Variants in TUT1 observed in about 807,000 individuals in gnomAD.
The protein encoded by TUT1 is speckle targeted PIP5K1A-regulated poly(A) polymerase.
A neutral mutation model predicts 48.8 loss-of-function variants in TUT1; 26 were observed. The ratio of observed to expected loss-of-function variants is 0.53; its 90% CI spans 0.39 to 0.74. The LOEUF (loss-of-function observed/expected upper bound fraction) is 0.74, where lower values mean the gene tolerates loss of function less well. Ranked by LOEUF, TUT1 falls within the 30% of genes least tolerant of loss-of-function variation. TUT1 has a pLI of 0.00. For missense variants in TUT1, 1,065 were observed against 1,114.8 expected (o/e 0.96, Z 0.64); for synonymous variants, 470 against 460.8 (o/e 1.02, Z -0.26).
At chr11:62,577,158 A>C (rs1166962295) in intron 6 of TUT1, 24 bp downstream of exon 6, 1 of 1,603,320 alleles carries the variant, frequency 6.2e-7, no homozygotes, top group Admixed American at 1.7e-5. Context: ...ACTCAGCCCC[A>C]AGTCTGTCCT....
chr11:62,575,944 A>G lies in TUT1; in HGVS notation c.1775T>C (p.Leu592Pro). The change falls in exon 9 of 9, where the codon CTC becomes CCC. Residue 592 changes from leucine (L) to proline (P), a missense_variant. Transcript: ENST00000476907. ...GGGGGAGCTGGGCTGCAGAAGAGGGAGCAGCCCCCAGTCCCGACCCCGGGA... is the reference window on the plus strand; with the variant it reads ...GGGGGAGCTGGGCTGCAGAAGAGGGGGCAGCCCCCAGTCCCGACCCCGGGA... ...RSSRGRDWGLLPLLQPSSPSS... is the reference protein window; with the variant it reads ...RSSRGRDWGLPPLLQPSSPSS... The G allele has an allele frequency of 6.2e-7, 1 of 1,614,084 alleles. No homozygotes were observed. Among genetic ancestry groups the G allele is most frequent in the East Asian group, 2.2e-5 (1 of 44,878 alleles).
chr11:62,585,898 C>T (rs1056653599), intron 2 of TUT1, among the ~76,000 whole-genome samples: 1 of 152,152 alleles, frequency 6.6e-6, no homozygotes, highest in Non-Finnish European at 1.5e-5. Flanking sequence ...CACCTGAGGT[C>T]GGGAATTCCA....
intron 8 of TUT1, 32 bp downstream of exon 8, chr11:62,576,625 T>TA: frequency 6.4e-7 from 1 of 1,573,042 alleles, no homozygotes; most frequent in Non-Finnish European, 8.7e-7. Flanking sequence ...TGAACATCAT[T>TA]ACTAGTCCTC....
At chr11:62,586,853 T>C (rs1182693984) in intron 2 of TUT1, among the ~76,000 whole-genome samples, 21 of 148,772 alleles carry the variant, frequency 1.4e-4, no homozygotes, top group South Asian at 1.2e-3. Context: ...TACAGGCGCC[T>C]GCCACCACAC....
At position 62,581,209 on chromosome 11, in the gene TUT1, G is replaced by A; in HGVS notation, c.590-3C>T. 6.2e-7 allele frequency: 1 copy of A among 1,613,896 alleles called. No individual in the cohort carries two copies. The highest frequency in any genetic ancestry group is 8.5e-7 in the Non-Finnish European group (1 of 1,179,828). On this transcript the variant is annotated splice_region_variant and splice_polypyrimidine_tract_variant and intron_variant, in intron 3 of 8. Transcript: ENST00000476907. ...GCCAAAAGGGTGGACCACACAGCCTGGGTGCCGAGCAGAGAAGAAAGGTCA... is the reference window on the plus strand; with the variant it reads ...GCCAAAAGGGTGGACCACACAGCCTAGGTGCCGAGCAGAGAAGAAAGGTCA...
At chr11:62,582,828 T>C (rs981682174) in intron 2 of TUT1, among the ~76,000 whole-genome samples, 6 of 151,686 alleles carry the variant, frequency 4.0e-5, no homozygotes, top group African/African-American at 1.4e-4. Context: ...TAAAAATCTT[T>C]TAAAAAATCA....
intron 2 of TUT1, among the ~76,000 whole-genome samples, chr11:62,585,914 GC>G (rs992297887): frequency 1.3e-5 from 2 of 152,106 alleles, no homozygotes; most frequent in Admixed American, 6.6e-5. Flanking sequence ...TTCCAGACCA[GC>G]AACATGGAGA....
At chr11:62,580,067 G>C (rs1386186202) in intron 4 of TUT1, among the ~76,000 whole-genome samples, 3 of 152,128 alleles carry the variant, frequency 2.0e-5, no homozygotes, top group Non-Finnish European at 4.4e-5. Context: ...TTGAGCCCAG[G>C]AGTTCGAGAC....
Position 62,576,879 on chromosome 11 carries a change from T to G in TUT1, c.1381+28A>C, listed in dbSNP as rs781710693. 7.5e-6 allele frequency: 12 copies of G among 1,606,512 alleles called. No individual in the cohort carries two copies. The East Asian group carries it at 2.7e-4, about 36-fold the overall frequency. On this transcript the variant is annotated intron_variant, in intron 7 of 8. Coordinates refer to ENST00000476907, the MANE Select transcript of TUT1 (RefSeq NM_022830.3). ...AAGAAGAGAGAGGAAACTAACAAGA[T>G]GGAGAGGGTGGAGGCTAGGCCGAGT...
intron 2 of TUT1, among the ~76,000 whole-genome samples, chr11:62,585,965 G>A (rs773210932): frequency 1.3e-5 from 2 of 152,204 alleles, no homozygotes; most frequent in African/African-American, 2.4e-5. Context: ...AGCCAGGCGC[G>A]GTGGCGCATG....
At position 62,589,149 on chromosome 11, in the gene TUT1, G is replaced by A. The variant is rs1941967170; in HGVS notation, c.155C>T (p.Ala52Val). ...HLVELRAARK[A>V]QGLRSVFVSG... ...GACAAACACACTTCGAAGTCCCTGG[G>A]CCTTTCTCGCAGCTCGTAGTTCTAC... is the stretch of plus-strand genomic sequence containing the variant. The change falls in exon 2 of 9, where the codon GCC becomes GTC. Residue 52 changes from alanine (A) to valine (V), a missense_variant. By Grantham distance (64) the Ala-to-Val change is moderately conservative. Transcript: ENST00000476907. 2.5e-6 allele frequency: 4 copies of A among 1,614,226 alleles called. No homozygotes were observed. The South Asian group carries it at 3.3e-5, about 13-fold the overall frequency.
At chr11:62,586,910 G>A (rs1293906182) in intron 2 of TUT1, among the ~76,000 whole-genome samples, 3 of 150,338 alleles carry the variant, frequency 2.0e-5, no homozygotes, top group Non-Finnish European at 4.4e-5. Flanking sequence ...TCGCCATGTT[G>A]GCCAGGCTGG....
At chr11:62,588,025 TC>T (rs1444506599) in intron 2 of TUT1, among the ~76,000 whole-genome samples, 1 of 152,252 alleles carries the variant, frequency 6.6e-6, no homozygotes, top group East Asian at 1.9e-4. Context: ...GGTATGTTGT[TC>T]TTTAAGCACC....
At position 62,576,715 on chromosome 11, in the gene TUT1, G is replaced by T. The variant is rs777037777; in HGVS notation, c.1416C>A (p.Asp472Glu). The T allele has an allele frequency of 1.2e-6, 2 of 1,614,182 alleles. No homozygotes were observed. Among genetic ancestry groups the T allele is most frequent in the African/African-American group, 2.7e-5 (2 of 75,050 alleles). Residue 472 changes from aspartate to glutamate, a missense_variant, in exon 8 of 9, where the codon GAC becomes GAA. By Grantham distance (45) the Asp-to-Glu change is conservative. Coordinates refer to ENST00000476907, the MANE Select transcript of TUT1 (RefSeq NM_022830.3). ...TTGAGGCATCCCTGGGGAAACTGCA[G>T]TCCCAGCCATCGACTTCCACCTGTT... ...EGEQVEVDGWDCSFPRDASRL... is the reference protein window; with the variant it reads ...EGEQVEVDGWECSFPRDASRL...
chr11:62,578,633 G>A lies in TUT1; in HGVS notation c.1088C>T (p.Ser363Phe). The A allele has an allele frequency of 6.2e-7, 1 of 1,614,202 alleles. No homozygotes were observed. Among genetic ancestry groups the A allele is most frequent in the Non-Finnish European group, 8.5e-7 (1 of 1,180,024 alleles). ...GAACTTGACCACAGGGCGCCGGGCA[G>A]AGGGCACAGTTTGGACTCGATACAC... Reference protein sequence around the residue: ...PGVYRVQTVPSARRPVVKFCH... With the variant: ...PGVYRVQTVPFARRPVVKFCH... The change falls in exon 5 of 9, where the codon TCT becomes TTT. Residue 363 changes from serine to phenylalanine, a missense_variant. Ser to Phe is a radical substitution (Grantham distance 155, BLOSUM62 -2). Transcript: ENST00000476907.
rs1234202968 is a variant in TUT1, at chr11:62,575,724, T to C, written c.1995A>G (p.Gly665=). The change falls in exon 9 of 9, where the codon GGA becomes GGG. Residue 665 remains glycine, a synonymous_variant. Coordinates refer to ENST00000476907, the MANE Select transcript of TUT1 (RefSeq NM_022830.3). ...TCCCCTCCTCACAGCAGTTTTTCTGTCCATCTACTTTGAGTCTTTTGCTTG... is the reference window on the plus strand; with the variant it reads ...TCCCCTCCTCACAGCAGTTTTTCTGCCCATCTACTTTGAGTCTTTTGCTTG... The part of the protein sequence containing the change: ...GGTSKRLKVD[G]QKNCCEEGKE... The C allele has an allele frequency of 6.2e-7, 1 of 1,614,042 alleles. No homozygotes were observed. The highest frequency in any genetic ancestry group is 8.5e-7 in the Non-Finnish European group (1 of 1,179,990).
intron 2 of TUT1, among the ~76,000 whole-genome samples, chr11:62,584,109 T>C (rs1941871973): frequency 6.6e-6 from 1 of 151,390 alleles, no homozygotes; most frequent in South Asian, 2.1e-4. Context: ...GTGAATATAC[T>C]AACACTCACT....
At chr11:62,576,811 G>A (rs1941736723) in intron 7 of TUT1, 62 bp from the exon 8 acceptor site, 3 of 1,597,240 alleles carry the variant, frequency 1.9e-6, no homozygotes, top group Non-Finnish European at 1.7e-6. Context: ...TGGGGGTAGA[G>A]AGATCTCATT....
At chr11:62,581,763 C>A (rs1203602166) in intron 2 of TUT1, 62 bp from the exon 3 acceptor site, 1 of 1,280,414 alleles carries the variant, frequency 7.8e-7, no homozygotes, top group Non-Finnish European at 1.0e-6. Flanking sequence ...ACGAGATCTA[C>A]AGTGGATGAG....
Sources: allele counts gnomAD v4.1 joint callset (sites outside exome capture counted in the v4.1 genomes callset), GRCh38; gene constraint gnomAD v4.1.1; transcripts MANE v1.5; gene names NCBI Gene and HGNC (gene_info 2026-07-23, HGNC 2026-07-21).